Variants in LRRC4C observed in about 807,000 individuals in gnomAD.
The protein encoded by LRRC4C is leucine rich repeat containing 4C, also known as leucine-rich repeat-containing protein 4C.
LRRC4C carries 5 observed loss-of-function variants against 33.6 expected under a neutral mutation model. The ratio of observed to expected loss-of-function variants is 0.15; its 90% CI spans 0.08 to 0.31. LRRC4C has a LOEUF of 0.31. Ranked by LOEUF, LRRC4C falls within the 10% of genes least tolerant of loss-of-function variation. The pLI is 1.00. For missense variants in LRRC4C, 560 were observed against 796.7 expected, an observed-to-expected ratio of 0.70 and a Z score of 3.58; for synonymous variants, 329 against 302.0, an observed-to-expected ratio of 1.09 and a Z score of -0.93.
At chr11:40,857,448 G>T (rs986078281) in intron 2 of LRRC4C, among the ~76,000 whole-genome samples, 2 of 152,056 alleles carry the variant, frequency 1.3e-5, no homozygotes, top group Non-Finnish European at 2.9e-5. Context: ...AGCATGTGGT[G>T]TTTGGTTTTC....
chr11:40,669,743 A>T lies in LRRC4C; in HGVS notation c.-406-21465T>A, dbSNP rs1288612037. Reference sequence around the variant, plus strand: ...TTTGGCTGTGCCACTTGGCCCTTTTAGGAAGAGATATCATCTGTCACTTAT... The same window carrying T: ...TTTGGCTGTGCCACTTGGCCCTTTTTGGAAGAGATATCATCTGTCACTTAT... On this transcript the variant is annotated intron_variant, in intron 2 of 6. Transcript: ENST00000528697. 2.0e-5 allele frequency among the ~76,000 whole-genome samples: 3 copies of T among 152,326 alleles called. No individual in the cohort carries two copies. The East Asian group carries it at 5.8e-4, about 29-fold the overall frequency.
chr11:40,823,329 G>C (rs12272738), intron 2 of LRRC4C, among the ~76,000 whole-genome samples: 17,709 of 151,536 alleles, frequency 0.12, 1,081 homozygotes, highest in South Asian at 0.16. Context: ...AAAAAATAAT[G>C]TTTGATTTCA....
intron 3 of LRRC4C, among the ~76,000 whole-genome samples, chr11:40,593,640 C>G (rs1959158194): frequency 6.6e-6 from 1 of 152,104 alleles, no homozygotes; most frequent in African/African-American, 2.4e-5. Flanking sequence ...GAAATGATTA[C>G]CTGTTCTAGA....
intron 1 of LRRC4C, among the ~76,000 whole-genome samples, chr11:41,412,600 T>C (rs1336478792): frequency 1.3e-5 from 2 of 152,352 alleles, no homozygotes; most frequent in South Asian, 4.1e-4. Context: ...ACTTTGCAAC[T>C]TGCCTACAAA....
chr11:41,086,912 G>T (rs1487831564), intron 1 of LRRC4C, among the ~76,000 whole-genome samples: 2 of 151,082 alleles, frequency 1.3e-5, no homozygotes, highest in Non-Finnish European at 1.5e-5. Context: ...CAGAGTTGTG[G>T]AACTCACTAA....
intron 1 of LRRC4C, among the ~76,000 whole-genome samples, chr11:41,143,473 G>T (rs1407247530): frequency 6.6e-6 from 1 of 152,108 alleles, no homozygotes; most frequent in South Asian, 2.1e-4. Context: ...TTCAGTGTTT[G>T]AATGAATCCA....
At chr11:40,273,998 A>T (rs1942905576) in intron 4 of LRRC4C, among the ~76,000 whole-genome samples, 1 of 152,100 alleles carries the variant, frequency 6.6e-6, no homozygotes, top group Non-Finnish European at 1.5e-5. Flanking sequence ...GGCATTTGAC[A>T]TTAAAAACCT....
chr11:41,166,403 G>A (rs1189055983), intron 1 of LRRC4C, among the ~76,000 whole-genome samples: 10 of 152,202 alleles, frequency 6.6e-5, no homozygotes, highest in East Asian at 5.8e-4. Context: ...CATACATTCC[G>A]TGACCACAGA....
intron 3 of LRRC4C, among the ~76,000 whole-genome samples, chr11:40,474,587 T>C (rs1953114380): frequency 6.6e-6 from 1 of 152,046 alleles, no homozygotes; most frequent in Non-Finnish European, 1.5e-5. Context: ...ACAAATGGGA[T>C]CTAATTAAAC....
intron 1 of LRRC4C, among the ~76,000 whole-genome samples, chr11:41,434,606 A>C (rs1220918617): frequency 6.6e-6 from 1 of 152,212 alleles, no homozygotes; most frequent in Non-Finnish European, 1.5e-5. Context: ...AGAAGAATTC[A>C]CTACTATTCC....
At chr11:41,295,659 T>G (rs951183823) in intron 1 of LRRC4C, among the ~76,000 whole-genome samples, 2 of 152,162 alleles carry the variant, frequency 1.3e-5, no homozygotes, top group Non-Finnish European at 2.9e-5. Context: ...AACTTCATTC[T>G]TCATGACTTT....
At chr11:41,328,471 A>G (rs1951191901) in intron 1 of LRRC4C, among the ~76,000 whole-genome samples, 1 of 151,892 alleles carries the variant, frequency 6.6e-6, no homozygotes, top group African/African-American at 2.4e-5. Flanking sequence ...AGCGTGGGTT[A>G]AGGGCATACT....
intron 1 of LRRC4C, among the ~76,000 whole-genome samples, chr11:41,177,956 A>G (rs995310521): frequency 6.6e-6 from 1 of 152,196 alleles, no homozygotes; most frequent in Admixed American, 6.5e-5. Flanking sequence ...AAGAAGCCAG[A>G]GTTACCTCAA....
At chr11:40,329,111 C>G (rs1277644844) in intron 3 of LRRC4C, among the ~76,000 whole-genome samples, 1 of 152,150 alleles carries the variant, frequency 6.6e-6, no homozygotes, top group African/African-American at 2.4e-5. Flanking sequence ...AAATGCTACT[C>G]TTTATAAGTG....
intron 1 of LRRC4C, among the ~76,000 whole-genome samples, chr11:41,178,530 T>C (rs1023794378): frequency 6.6e-6 from 1 of 151,898 alleles, no homozygotes; most frequent in Non-Finnish European, 1.5e-5. Flanking sequence ...ATTTTTGTAC[T>C]TTTTTTTGTA....
chr11:41,274,903 C>G (rs1591128385), intron 1 of LRRC4C, among the ~76,000 whole-genome samples: 1 of 152,114 alleles, frequency 6.6e-6, no homozygotes, highest in East Asian at 1.9e-4. Context: ...CCCTCTAAAT[C>G]TCATGTGGAA....
intron 4 of LRRC4C, 102 bp downstream of exon 4, chr11:40,319,526 T>C (rs547806615): frequency 6.6e-6 from 1 of 152,312 alleles, no homozygotes; most frequent in African/African-American, 2.4e-5. Context: ...TGGTTTTCTA[T>C]TTGTCTATTT....
At chr11:40,744,911 C>T (rs1948342197) in intron 2 of LRRC4C, among the ~76,000 whole-genome samples, 1 of 152,036 alleles carries the variant, frequency 6.6e-6, no homozygotes, top group Admixed American at 6.6e-5. Flanking sequence ...TATCGATTAC[C>T]AACTACAGTA....
chr11:40,344,311 G>C (rs909168715), intron 3 of LRRC4C, among the ~76,000 whole-genome samples: 2 of 152,128 alleles, frequency 1.3e-5, no homozygotes, highest in Non-Finnish European at 2.9e-5. Context: ...CTATGATCAA[G>C]TAAGCTTTAT....
Sources: allele counts gnomAD v4.1 joint callset (sites outside exome capture counted in the v4.1 genomes callset), GRCh38; gene constraint gnomAD v4.1.1; transcripts MANE v1.5; gene names NCBI Gene and HGNC (gene_info 2026-07-23, HGNC 2026-07-21).